The following COL22A1 variants were observed in gnomAD, a reference collection of about 807,000 sequenced individuals.
The protein encoded by COL22A1 is collagen alpha-1(XXII) chain.
Under a neutral mutation model 248.9 loss-of-function variants are expected in COL22A1, and 221 were observed. The ratio of observed to expected loss-of-function variants is 0.89; its 90% confidence interval spans 0.80 to 0.99. The LOEUF (loss-of-function observed/expected upper bound fraction) is 0.99. Among genes scored for constraint, COL22A1 ranks in the 50% least tolerant of loss-of-function variants. The probability of loss-of-function intolerance (pLI) is 0.00; values close to 1 mark genes in which losing one functional copy is unlikely to be tolerated. For missense variants in COL22A1, 2,240 were observed against 2,179.0 expected, an observed-to-expected ratio of 1.03 and a Z score of -0.56; for synonymous variants, 891 against 793.4, an observed-to-expected ratio of 1.12 and a Z score of -2.07.
At chr8:138,902,735 T>TACACACACACAC (rs1275091313) in intron 1 of COL22A1, among the ~76,000 whole-genome samples, 11 of 90,358 alleles carry the variant, frequency 1.2e-4, no homozygotes, top group South Asian at 3.9e-4. Flanking sequence ...AATATATATA[T>TACACACACACAC]ATATACACAC....
intron 59 of COL22A1, among the ~76,000 whole-genome samples, chr8:138,603,567 A>G (rs1818203057): frequency 6.6e-6 from 1 of 152,288 alleles, no homozygotes; most frequent in South Asian, 2.1e-4. Context: ...GAGAAGTCCA[A>G]AGAGAATTCG....
chr8:138,734,367 C>T (rs1206153800), intron 23 of COL22A1, among the ~76,000 whole-genome samples: 1 of 152,146 alleles, frequency 6.6e-6, no homozygotes, highest in African/African-American at 2.4e-5. Flanking sequence ...ATTTGGTACC[C>T]AGTGCGTACT....
chr8:138,706,835 C>T (rs1210365882), intron 30 of COL22A1, among the ~76,000 whole-genome samples: 17 of 152,028 alleles, frequency 1.1e-4, no homozygotes, highest in Non-Finnish European at 5.9e-5. Flanking sequence ...TTCAAAAAAC[C>T]AATGAATCCA....
At chr8:138,883,999 C>T (rs1008494752) in intron 1 of COL22A1, among the ~76,000 whole-genome samples, 10 of 152,188 alleles carry the variant, frequency 6.6e-5, no homozygotes, top group African/African-American at 2.4e-4. Context: ...CACTCCCCCA[C>T]CATGCTGCAC....
chr8:138,735,354 G>A (rs1831024613), intron 23 of COL22A1, among the ~76,000 whole-genome samples: 1 of 152,086 alleles, frequency 6.6e-6, no homozygotes, highest in East Asian at 1.9e-4. Flanking sequence ...ACACATCAGG[G>A]TGCACAATTA....
intron 24 of COL22A1, 46 bp from the exon 25 acceptor site, chr8:138,724,714 A>G: frequency 1.3e-6 from 2 of 1,580,386 alleles, no homozygotes; most frequent in Non-Finnish European, 1.7e-6. Context: ...CTGTTCAGAG[A>G]TCAGATCATT....
In COL22A1 at chr8:138,826,780, C is replaced by T; in HGVS notation, c.847G>A (p.Asp283Asn). The T allele has an allele frequency of 6.2e-7, 1 of 1,613,996 alleles. No individual in the cohort carries two copies. The highest frequency in any genetic ancestry group is 8.5e-7 in the Non-Finnish European group (1 of 1,179,948). Residue 283 changes from aspartate to asparagine, a missense_variant and splice_region_variant, in exon 6 of 65, where the codon GAT becomes AAT. By Grantham distance (23) the Asp-to-Asn change is conservative (BLOSUM62 1). Coordinates refer to ENST00000303045, the MANE Select transcript of COL22A1 (RefSeq NM_152888.3). The part of the protein sequence containing the change: ...GSFPVVQSTE[D>N]VFPQGLPDEY... The stretch of plus-strand genomic sequence containing the variant: ...TCAGGTAAACCTTGGGGGAACACAT[C>T]CCTGGAGAAAAATGGAGACAAAGAC...
At chr8:138,672,971 A>G (rs1399598153) in intron 41 of COL22A1, among the ~76,000 whole-genome samples, 1 of 152,208 alleles carries the variant, frequency 6.6e-6, no homozygotes, top group Non-Finnish European at 1.5e-5. Context: ...TGCTAAGGGA[A>G]CATCAGAGGC....
intron 39 of COL22A1, among the ~76,000 whole-genome samples, chr8:138,680,351 G>C (rs1215330301): frequency 1.3e-5 from 2 of 152,178 alleles, no homozygotes; most frequent in African/African-American, 4.8e-5. Context: ...AAAAGGAACT[G>C]AGGCTCAGAG....
rs1445388165 is a variant in COL22A1, at chr8:138,885,494, G to C, written c.-72-2250C>G. On this transcript the variant is annotated intron_variant, in intron 1 of 64. Coordinates refer to ENST00000303045, the MANE Select transcript of COL22A1 (RefSeq NM_152888.3). Reference sequence around the variant, plus strand: ...CCTGCAACCCCTTAGTCCCTGGAGGGTTAAGTCTAGAGATACGCCCCTGCC... The same window carrying C: ...CCTGCAACCCCTTAGTCCCTGGAGGCTTAAGTCTAGAGATACGCCCCTGCC... Among the ~76,000 whole-genome samples the C allele has an allele frequency of 2.0e-5, 3 of 152,154 alleles. 1 individual carries two copies. In the South Asian group the frequency reaches 6.2e-4, roughly 32 times the overall value.
intron 56 of COL22A1, among the ~76,000 whole-genome samples, chr8:138,610,600 C>A (rs1042141022): frequency 1.3e-5 from 2 of 152,190 alleles, no homozygotes; most frequent in Non-Finnish European, 2.9e-5. Flanking sequence ...TTATGATGTA[C>A]CCGAGAATTG....
At chr8:138,637,623 G>A (rs1279001245) in intron 47 of COL22A1, among the ~76,000 whole-genome samples, 1 of 152,178 alleles carries the variant, frequency 6.6e-6, no homozygotes, top group East Asian at 1.9e-4. Context: ...TGCTAACTGT[G>A]TGTCATTGGA....
At chr8:138,773,033 C>G (rs1272774824) in intron 16 of COL22A1, among the ~76,000 whole-genome samples, 2 of 152,122 alleles carry the variant, frequency 1.3e-5, no homozygotes, top group Non-Finnish European at 2.9e-5. Flanking sequence ...GGACAGGCCC[C>G]CCAGTTAAAA....
chr8:138,716,841 C>A lies in COL22A1; in HGVS notation c.2384G>T (p.Gly795Val). Residue 795 changes from glycine to valine, a missense_variant, in exon 28 of 65, where the codon GGC (glycine) becomes GTC (valine). Transcript: ENST00000303045. ...RGEIGEQGLAGRPGEKGEAGL... is the reference protein window; with the variant it reads ...RGEIGEQGLAVRPGEKGEAGL... ...CAAACAGACCTTCTCTCCAGGTCGG[C>A]CTGCCAGGCCCTGCTCCCCAATTTC... is the stretch of plus-strand genomic sequence containing the variant. 1 of 1,611,692 alleles carries A rather than the reference C, an allele frequency of 6.2e-7. No individual in the cohort carries two copies.
At chr8:138,708,978 G>T (rs1828715948) in intron 30 of COL22A1, among the ~76,000 whole-genome samples, 1 of 152,050 alleles carries the variant, frequency 6.6e-6, no homozygotes. Flanking sequence ...ATGGGCAAAG[G>T]ATATGAACAG....
At chr8:138,718,855 TAAA>T (rs1253022614) in intron 27 of COL22A1, among the ~76,000 whole-genome samples, 1 of 152,180 alleles carries the variant, frequency 6.6e-6, no homozygotes, top group Non-Finnish European at 1.5e-5. Flanking sequence ...ATCAGAAATA[TAAA>T]ACACATAGAT....
At chr8:138,664,050 C>T (rs1824221233) in intron 41 of COL22A1, among the ~76,000 whole-genome samples, 1 of 151,636 alleles carries the variant, frequency 6.6e-6, no homozygotes, top group Non-Finnish European at 1.5e-5. Context: ...ACCTGGCAGC[C>T]CCGACTTCCC....
intron 64 of COL22A1, among the ~76,000 whole-genome samples, chr8:138,590,259 C>CTT: frequency 6.6e-6 from 1 of 152,074 alleles, no homozygotes; most frequent in African/African-American, 2.4e-5. Context: ...ACAAAGTAAA[C>CTT]TTTTTACTTA....
Position 138,713,675 on chromosome 8 carries a change from A to C in COL22A1, c.2517+2007T>G, listed in dbSNP as rs567910726. ...AGTCTAAAGCCTCACCCCTGACTCC[A>C]TCCACAACAAAACCTCATCACACCC... is the stretch of plus-strand genomic sequence containing the variant. On this transcript the variant is annotated intron_variant, in intron 30 of 64. Coordinates refer to ENST00000303045, the MANE Select transcript of COL22A1 (RefSeq NM_152888.3). 4.7e-5 allele frequency among the ~76,000 whole-genome samples: 7 copies of C among 150,272 alleles called. No individual in the cohort carries two copies. In the South Asian group the frequency reaches 1.5e-3, roughly 32 times the overall value.
Sources: allele counts gnomAD v4.1 joint callset (sites outside exome capture counted in the v4.1 genomes callset), GRCh38; gene constraint gnomAD v4.1.1; transcripts MANE v1.5; gene names NCBI Gene and HGNC (gene_info 2026-07-23, HGNC 2026-07-21).